The following MLLT6 variants were observed in gnomAD, a reference collection of about 807,000 sequenced individuals.
MLLT6 encodes MLLT6, PHD finger containing.
In MLLT6, 22 loss-of-function variants were observed where a neutral mutation model predicts 103.0. The observed-to-expected ratio is 0.21, with a 90% confidence interval of 0.15 to 0.31. MLLT6 has a LOEUF of 0.31. MLLT6 is among the 10% of genes least tolerant of loss of function. The pLI, the probability that MLLT6 is intolerant of heterozygous loss-of-function variation, is 1.00. For missense variants in MLLT6, 1,199 were observed against 1,441.7 expected (o/e 0.83, Z 2.73); for synonymous variants, 606 against 623.5 (o/e 0.97, Z 0.42).
At chr17:38,721,841 T>A in intron 16 of MLLT6, 37 bp from the exon 17 acceptor site, 1 of 1,451,772 alleles carries the variant, frequency 6.9e-7, no homozygotes, top group Non-Finnish European at 9.3e-7. Flanking sequence ...AAAGTCATGC[T>A]GGCCCTCTGA....
intron 19 of MLLT6, chr17:38,725,330 A>T (rs1598004440): frequency 1.3e-5 from 7 of 556,676 alleles, no homozygotes; most frequent in East Asian, 3.2e-5. Flanking sequence ...CTGAGGGCAC[A>T]CGGCCTTAGC....
intron 19 of MLLT6, 189 bp from the exon 20 acceptor site, chr17:38,725,368 C>T: frequency 1.7e-6 from 1 of 597,644 alleles, no homozygotes; most frequent in Non-Finnish European, 3.0e-6. Context: ...GCCCGGTGCT[C>T]TTCTGCAGGG....
In MLLT6 at chr17:38,705,442, G is replaced by A; in HGVS notation, c.-191G>A. The A allele has an allele frequency of 2.4e-6, 1 of 425,026 alleles. No homozygotes were observed. The allele number at this position is 425,026 out of a possible 1,614,324, so 26.3% of individuals were successfully genotyped here. On this transcript the variant is annotated 5_prime_UTR_variant, in exon 1 of 20. Coordinates refer to ENST00000621332, the MANE Select transcript of MLLT6 (RefSeq NM_005937.4). ...ACGGCGGGGGGGGCGGCCAGACAGA[G>A]CGAGCGAGGAGGAGGAGGAGGAGGA...
intron 4 of MLLT6, among the ~76,000 whole-genome samples, chr17:38,708,745 A>G (rs1905035360): frequency 6.6e-6 from 1 of 152,056 alleles, no homozygotes; most frequent in East Asian, 1.9e-4. Flanking sequence ...AAATACAAAA[A>G]TTAGCTGGGC....
rs62638666 is a variant in MLLT6, at chr17:38,715,683, G to C, written c.891G>C (p.Glu297Asp). 558 of 1,614,126 alleles carry C rather than the reference G, an allele frequency of 3.5e-4. 3 individuals are homozygous for C. In the African/African-American group the frequency reaches 6.6e-3, roughly 19 times the overall value. ...AGGAGACCTCTGAGAGCAGCAGGGA[G>C]TCAAAGGGGAAAAAGTCTTCCAGCC... ...STQETSESSR[E>D]SKGKKSSSHS... Residue 297 changes from glutamate to aspartate, a missense_variant, in exon 9 of 20, where the codon GAG becomes GAC. Transcript: ENST00000621332.
chr17:38,722,747 G>A lies in MLLT6; in HGVS notation c.2862G>A (p.Leu954=), dbSNP rs762112509. 4 of 1,607,860 alleles carry A rather than the reference G, an allele frequency of 2.5e-6. No individual in the cohort carries two copies. Among genetic ancestry groups the A allele is most frequent in the Non-Finnish European group, 3.4e-6 (4 of 1,178,750 alleles). ...AGCTCCAGCAACTCCAGCAGCTCCT[G>A]GCCTCCCCGCAGCTGACCCCGGTAA... ...EQQLQQLQQL[L]ASPQLTPEHQ... Residue 954 remains leucine, a synonymous_variant, in exon 18 of 20, where the codon CTG becomes CTA. Coordinates refer to ENST00000621332, the MANE Select transcript of MLLT6 (RefSeq NM_005937.4).
intron 12 of MLLT6, 32 bp downstream of exon 12, chr17:38,717,985 C>G: frequency 6.7e-7 from 1 of 1,483,050 alleles, no homozygotes; most frequent in Non-Finnish European, 9.4e-7. Flanking sequence ...TCTCCCCTTT[C>G]TTCCCAAAGG....
chr17:38,725,831 G>C lies in MLLT6; in HGVS notation c.*233G>C, dbSNP rs998262843. Reference sequence around the variant, plus strand: ...CACTGTCCGCTTTGTGAGGCTCAGAGGAAGGACAGTCTGCAAGCCCGCCTA... The same window carrying C: ...CACTGTCCGCTTTGTGAGGCTCAGACGAAGGACAGTCTGCAAGCCCGCCTA... On this transcript the variant is annotated 3_prime_UTR_variant, in exon 20 of 20. Transcript: ENST00000621332. 1 of 496,188 alleles carries C rather than the reference G, an allele frequency of 2.0e-6. No individual in the cohort carries two copies. Among genetic ancestry groups the C allele is most frequent in the African/African-American group, 2.0e-5 (1 of 49,314 alleles). 30.7% of individuals were successfully genotyped at this position (496,188 alleles called of 1,614,324 possible).
chr17:38,714,446 A>G (rs1313840674), intron 8 of MLLT6: 2 of 152,298 alleles, frequency 1.3e-5, no homozygotes, highest in Non-Finnish European at 2.9e-5. Context: ...ACAGTATAAC[A>G]TGGCAGTGAG....
At position 38,728,901 on chromosome 17, in the gene MLLT6, C is replaced by T; in HGVS notation, c.*3303C>T. On this transcript the variant is annotated 3_prime_UTR_variant, in exon 20 of 20. Coordinates refer to ENST00000621332, the MANE Select transcript of MLLT6 (RefSeq NM_005937.4). Reference sequence around the variant, plus strand: ...TGGACAATGACACTTTAAGGATTGTCTTGGTTTGTTTTTCCTATTTGTGGG... The same window carrying T: ...TGGACAATGACACTTTAAGGATTGTTTTGGTTTGTTTTTCCTATTTGTGGG... The T allele has an allele frequency of 4.3e-6, 1 of 233,886 alleles. No individual in the cohort carries two copies. Among genetic ancestry groups the T allele is most frequent in the East Asian group, 6.0e-5 (1 of 16,588 alleles). 14.5% of individuals were successfully genotyped at this position (233,886 alleles called of 1,614,324 possible).
At position 38,724,516 on chromosome 17, in the gene MLLT6, T is replaced by G; in HGVS notation, c.2884-104T>G. 1.2e-6 allele frequency: 1 copy of G among 830,830 alleles called. No individual in the cohort carries two copies. Among genetic ancestry groups the G allele is most frequent in the Non-Finnish European group, 1.9e-6 (1 of 532,586 alleles). 51.5% of individuals were successfully genotyped at this position (830,830 alleles called of 1,614,324 possible). A position where few individuals can be genotyped will look rare whatever the true frequency, so the allele number is the denominator to read the frequency against. On this transcript the variant is annotated intron_variant, in intron 18 of 19. Coordinates refer to ENST00000621332, the MANE Select transcript of MLLT6 (RefSeq NM_005937.4). This position sits in a 1 kb window ranked among gnomAD's most constrained non-coding sequence, Gnocchi z 5.4. ...ACTGTCTCACAGGCCTCTTGCCTCCTGATTCCAGTGTGATGGGGTGGGGCC... is the reference window on the plus strand; with the variant it reads ...ACTGTCTCACAGGCCTCTTGCCTCCGGATTCCAGTGTGATGGGGTGGGGCC...
intron 1 of MLLT6, 166 bp downstream of exon 1, chr17:38,705,907 C>G: frequency 3.5e-6 from 1 of 282,578 alleles, no homozygotes; most frequent in Non-Finnish European, 6.5e-6. Flanking sequence ...TCCTGGAAGA[C>G]CGGGTCAGGC....
chr17:38,707,699 G>A, intron 3 of MLLT6, 64 bp from the exon 4 acceptor site: 1 of 1,214,832 alleles, frequency 8.2e-7, no homozygotes, highest in African/African-American at 1.5e-5. Context: ...TGCAGCGTGG[G>A]GTCATAAGGG....
At position 38,709,107 on chromosome 17, in the gene MLLT6, G is replaced by A; in HGVS notation, c.355-66G>A. 4 of 1,153,068 alleles carry A rather than the reference G, an allele frequency of 3.5e-6. No individual in the cohort carries two copies. The South Asian group carries it at 3.9e-5, about 11-fold the overall frequency. The allele number at this position is 1,153,068 out of a possible 1,614,324, so 71.4% of individuals were successfully genotyped here. A position where few individuals can be genotyped will look rare whatever the true frequency, so the allele number is the denominator to read the frequency against. ...AGAGAGCAAATGGAATGGAGGGGGTGGCCTAAGGACCATCAGTAGAACAGG... is the reference window on the plus strand; with the variant it reads ...AGAGAGCAAATGGAATGGAGGGGGTAGCCTAAGGACCATCAGTAGAACAGG... On this transcript the variant is annotated intron_variant, in intron 4 of 19. Transcript: ENST00000621332. The surrounding 1 kb of genome is among the most constrained non-coding windows in gnomAD (Gnocchi z 4.3).
chr17:38,724,540 C>A lies in MLLT6; in HGVS notation c.2884-80C>A. 9.0e-7 allele frequency: 1 copy of A among 1,111,944 alleles called. No individual in the cohort carries two copies. The highest frequency in any genetic ancestry group is 1.3e-6 in the Non-Finnish European group (1 of 778,978). The allele number at this position is 1,111,944 out of a possible 1,614,324, so 68.9% of individuals were successfully genotyped here. On this transcript the variant is annotated intron_variant, in intron 18 of 19. Transcript: ENST00000621332. This position sits in a 1 kb window ranked among gnomAD's most constrained non-coding sequence, Gnocchi z 5.4. ...CTGATTCCAGTGTGATGGGGTGGGGCCTGGCCAGGCAGGGCAGGCAGGCAG... is the reference window on the plus strand; with the variant it reads ...CTGATTCCAGTGTGATGGGGTGGGGACTGGCCAGGCAGGGCAGGCAGGCAG...
In MLLT6 at chr17:38,720,673, T is replaced by C; in HGVS notation, c.2368T>C (p.Ser790Pro). ...GLPPQAGSSD[S>P]LSTSKSPPGK... The stretch of plus-strand genomic sequence containing the variant: ...CCCTCCCACAGCCGGCAGCAGCGAC[T>C]CCTTGAGCACCAGCAAGAGCCCTCC... Residue 790 changes from serine (S) to proline (P), a missense_variant, in exon 16 of 20, where the codon TCC (serine) becomes CCC (proline). Transcript: ENST00000621332. The C allele has an allele frequency of 6.2e-7, 1 of 1,613,774 alleles. No homozygotes were observed. Among genetic ancestry groups the C allele is most frequent in the East Asian group, 2.2e-5 (1 of 44,862 alleles).
chr17:38,718,943 A>T (rs150821808), intron 12 of MLLT6: 2 of 160,756 alleles, frequency 1.2e-5, no homozygotes, highest in African/African-American at 4.8e-5. Flanking sequence ...TATATTTGTT[A>T]AAACTCAGAT....
chr17:38,723,517 A>C (rs1026756978), intron 18 of MLLT6, among the ~76,000 whole-genome samples: 1 of 152,212 alleles, frequency 6.6e-6, no homozygotes, highest in African/African-American at 2.4e-5. Context: ...AGTTGAAAAA[A>C]TAAGAAAAAT....
At chr17:38,706,066 C>T (rs547798872) in intron 1 of MLLT6, 4 of 158,680 alleles carry the variant, frequency 2.5e-5, no homozygotes, top group Non-Finnish European at 5.5e-5. Flanking sequence ...GCGAGGTGTC[C>T]CCTCCCGCCC....
Sources: gnomAD v4.1 joint callset for allele counts (sites outside exome capture counted in the v4.1 genomes callset) on GRCh38, gnomAD v4.1.1 for gene constraint, Gnocchi (gnomAD v3.1) non-coding constraint, MANE v1.5 for transcripts, NCBI Gene and HGNC (gene_info 2026-07-23, HGNC 2026-07-21) for gene names.